Variants in APBB2 observed in about 807,000 individuals in gnomAD.
The protein encoded by APBB2 is amyloid beta precursor protein binding family B member 2.
APBB2 carries 38 observed loss-of-function variants against 82.5 expected under a neutral mutation model. The ratio of observed to expected loss-of-function variants is 0.46; its 90% CI spans 0.36 to 0.60. APBB2 has a LOEUF of 0.60. Among genes scored for constraint, APBB2 ranks in the 20% least tolerant of loss-of-function variants. The pLI, the probability that APBB2 is intolerant of heterozygous loss-of-function variation, is 0.00. For missense variants in APBB2, 772 were observed against 972.3 expected (o/e 0.79, Z 2.74); for synonymous variants, 341 against 368.2 (o/e 0.93, Z 0.85).
intron 2 of APBB2, among the ~76,000 whole-genome samples, chr4:41,125,628 T>C (rs896708836): frequency 6.6e-6 from 1 of 152,180 alleles, no homozygotes; most frequent in African/African-American, 2.4e-5. Context: ...AATGAAAACT[T>C]TTTAAGTTCT....
At chr4:40,986,723 T>C (rs747054734) in intron 6 of APBB2, among the ~76,000 whole-genome samples, 6 of 152,220 alleles carry the variant, frequency 3.9e-5, no homozygotes, top group Non-Finnish European at 8.8e-5. Flanking sequence ...CCATCACTCA[T>C]GAGTGCCACC....
chr4:40,864,256 A>AAAAACAAAACAAAAC (rs367804062), intron 12 of APBB2, among the ~76,000 whole-genome samples: 10,315 of 149,942 alleles, frequency 0.069, 466 homozygotes, highest in Non-Finnish European at 0.1. Flanking sequence ...CCGTCTCAAT[A>AAAAACAAAACAAAAC]AAAACAAAAC....
intron 6 of APBB2, among the ~76,000 whole-genome samples, chr4:40,948,443 G>A (rs952396885): frequency 4.6e-5 from 7 of 152,004 alleles, no homozygotes; most frequent in African/African-American, 1.5e-4. Flanking sequence ...TTGTTGGCAC[G>A]TGCCTGTAGT....
chr4:41,137,522 A>G (rs1757916127), intron 2 of APBB2, among the ~76,000 whole-genome samples: 1 of 152,204 alleles, frequency 6.6e-6, no homozygotes, highest in Non-Finnish European at 1.5e-5. Context: ...GTGACTCATA[A>G]AGAACAGAGA....
intron 15 of APBB2, 101 bp downstream of exon 15, chr4:40,825,786 C>A (rs1040839735): frequency 1.2e-6 from 1 of 843,640 alleles, no homozygotes; most frequent in Admixed American, 1.8e-5. Context: ...CAAGACAAGG[C>A]GTGAGAGTAA....
chr4:41,106,634 G>A (rs1445368685), intron 2 of APBB2, among the ~76,000 whole-genome samples: 4 of 151,902 alleles, frequency 2.6e-5, no homozygotes, highest in African/African-American at 9.7e-5. Flanking sequence ...CCGCCACCAC[G>A]CCAGGCTAAT....
intron 4 of APBB2, among the ~76,000 whole-genome samples, chr4:41,054,627 A>G (rs1207808360): frequency 6.6e-6 from 1 of 152,184 alleles, no homozygotes; most frequent in Non-Finnish European, 1.5e-5. Context: ...TCCCATACCT[A>G]TAACAACAAA....
chr4:40,825,809 A>T, intron 15 of APBB2, 78 bp downstream of exon 15: 1 of 1,068,580 alleles, frequency 9.4e-7, no homozygotes, highest in Non-Finnish European at 1.5e-6. Context: ...AGCAGACCTC[A>T]CCCTCCTCGG....
At chr4:41,032,932 G>A (rs903453318) in intron 5 of APBB2, among the ~76,000 whole-genome samples, 20 of 150,340 alleles carry the variant, frequency 1.3e-4, no homozygotes, top group African/African-American at 3.7e-4. Context: ...CTACAGGCGC[G>A]CGCCACCATG....
intron 10 of APBB2, among the ~76,000 whole-genome samples, chr4:40,920,474 C>G (rs1455540605): frequency 6.6e-6 from 1 of 152,150 alleles, no homozygotes; most frequent in Non-Finnish European, 1.5e-5. Context: ...ATCTTTAAAA[C>G]AGTTACATGT....
intron 1 of APBB2, among the ~76,000 whole-genome samples, chr4:41,213,955 G>A (rs539874756): frequency 1.3e-5 from 2 of 152,204 alleles, no homozygotes; most frequent in Admixed American, 6.5e-5. Flanking sequence ...CAGGACAAGG[G>A]GGTGTGCGCT....
chr4:40,923,216 C>G (rs1781780080), intron 10 of APBB2, among the ~76,000 whole-genome samples: 1 of 152,124 alleles, frequency 6.6e-6, no homozygotes, highest in East Asian at 1.9e-4. Context: ...ACCTTGTGAT[C>G]CGCCCGCCTC....
At chr4:40,872,509 G>A (rs909283350) in intron 12 of APBB2, among the ~76,000 whole-genome samples, 1 of 152,186 alleles carries the variant, frequency 6.6e-6, no homozygotes, top group Non-Finnish European at 1.5e-5. Flanking sequence ...CACATCCCAT[G>A]AGGGCAAGAA....
intron 3 of APBB2, among the ~76,000 whole-genome samples, chr4:41,072,052 G>A (rs374570254): frequency 9.9e-5 from 15 of 152,220 alleles, no homozygotes; most frequent in African/African-American, 3.6e-4. Flanking sequence ...AGAATCAAAA[G>A]GAAGAGACTG....
At chr4:41,212,106 G>A in intron 1 of APBB2, among the ~76,000 whole-genome samples, 1 of 152,196 alleles carries the variant, frequency 6.6e-6, no homozygotes, top group South Asian at 2.1e-4. Context: ...CATTCCTGTG[G>A]TAACAGAAAA....
At chr4:41,097,260 C>T (rs1458490110) in intron 3 of APBB2, among the ~76,000 whole-genome samples, 1 of 152,170 alleles carries the variant, frequency 6.6e-6, no homozygotes, top group Non-Finnish European at 1.5e-5. Flanking sequence ...ATATACAGCA[C>T]CTGTCAGCCA....
At chr4:41,064,559 G>C (rs1268714368) in intron 4 of APBB2, among the ~76,000 whole-genome samples, 5 of 152,156 alleles carry the variant, frequency 3.3e-5, no homozygotes, top group African/African-American at 1.2e-4. Context: ...AGACTGCAGG[G>C]AGCAAGAAGT....
chr4:40,848,919 A>G, intron 12 of APBB2: 1 of 985,302 alleles, frequency 1.0e-6, no homozygotes, highest in Non-Finnish European at 1.2e-6. Context: ...ATCTGAAGCT[A>G]CCCTATTTCC....
chr4:40,907,345 TTACATATATATA>T (rs56371055), intron 10 of APBB2, among the ~76,000 whole-genome samples: 1,323 of 104,830 alleles, frequency 0.013, 52 homozygotes, highest in East Asian at 0.021. Context: ...ATTTAATATA[TTACATATATATA>T]TATATATATA....
Sources: allele counts gnomAD v4.1 joint callset (sites outside exome capture counted in the v4.1 genomes callset), GRCh38; gene constraint gnomAD v4.1.1; transcripts MANE v1.5; gene names NCBI Gene and HGNC (gene_info 2026-07-23, HGNC 2026-07-21).